Variants in NALF2 observed in about 807,000 individuals in gnomAD.
The protein encoded by NALF2 is bB57D9.1 (TED protein).
A neutral mutation model predicts 24.8 loss-of-function variants in NALF2; 1 was observed. The ratio of observed to expected loss-of-function variants is 0.04; its 90% confidence interval spans 0.01 to 0.19. NALF2 has a LOEUF of 0.19. Ranked by LOEUF, NALF2 falls within the 10% of genes least tolerant of loss-of-function variation. NALF2 has a pLI of 1.00. For missense variants in NALF2, 458 were observed against 409.6 expected (o/e 1.12, Z -1.02); for synonymous variants, 254 against 189.8 (o/e 1.34, Z -2.78).
Position 69,529,743 on chromosome X carries a change from C to G in NALF2, c.1206C>G (p.His402Gln), listed in dbSNP as rs200147081. 8.3e-7 allele frequency: 1 copy of G among 1,208,928 alleles called. No homozygotes were observed. The highest frequency in any genetic ancestry group is 1.8e-5 in the African/African-American group (1 of 57,089). ...ACCACCAACAGTACCATCACTACCA[C>G]CCCCATCATGATCCCCCAGGCCGTG... is the stretch of plus-strand genomic sequence containing the variant. ...HHYHQQYHHY[H>Q]PHHDPPGRVS... The change falls in exon 3 of 3, where the codon CAC (histidine) becomes CAG (glutamine). Residue 402 changes from histidine (H) to glutamine (Q), a missense_variant. By Grantham distance (24) the His-to-Gln change is conservative. Transcript: ENST00000252338.
rs1260860340 is a variant in NALF2, at chrX:69,505,196, G to A, written c.-87G>A. ...GGTAGAGCCTGGACGGCGCCGAGGA[G>A]CGCAGAGCGGCGCGCAGCCCGCCCG... On this transcript the variant is annotated 5_prime_UTR_variant, in exon 1 of 3. Coordinates refer to ENST00000252338, the MANE Select transcript of NALF2 (RefSeq NM_015686.3). 1 of 957,025 alleles carries A rather than the reference G, an allele frequency of 1.0e-6. No homozygotes were observed. Among genetic ancestry groups the A allele is most frequent in the African/African-American group, 2.1e-5 (1 of 47,284 alleles). The allele number at this position is 957,025 out of a possible 1,213,427, so 78.9% of individuals were successfully genotyped here.
At chrX:69,513,085 C>T (rs1268826869) in intron 1 of NALF2, among the ~76,000 whole-genome samples, 4 of 111,639 alleles carry the variant, frequency 3.6e-5, no homozygotes, top group East Asian at 5.6e-4. Context: ...GACCTGGGCT[C>T]CTCTCGCCTG....
Position 69,506,084 on chromosome X carries a change from C to T in NALF2, c.802C>T (p.Leu268=). 8.3e-7 allele frequency: 1 copy of T among 1,209,641 alleles called. No homozygotes were observed. Among genetic ancestry groups the T allele is most frequent in the Admixed American group, 2.2e-5 (1 of 45,935 alleles). The stretch of plus-strand genomic sequence containing the variant: ...AAAATATGACGAGTTCGACCTCGTG[C>T]TGCATAAATACTTACAGGCGGAAGA... ...QEKYDEFDLV[L]HKYLQAEEYS... is the part of the protein sequence containing the mutation. The change falls in exon 1 of 3, where the codon CTG becomes TTG. Residue 268 remains leucine, a synonymous_variant. Coordinates refer to ENST00000252338, the MANE Select transcript of NALF2 (RefSeq NM_015686.3).
intron 1 of NALF2, among the ~76,000 whole-genome samples, chrX:69,507,910 G>C (rs753078311): frequency 9.0e-6 from 1 of 111,188 alleles, no homozygotes; most frequent in South Asian, 3.9e-4. Context: ...GGTTTTCTCC[G>C]TGTTGTAGTT....
At chrX:69,512,137 GATCTGGACAA>G (rs1404856745) in intron 1 of NALF2, among the ~76,000 whole-genome samples, 1 of 111,667 alleles carries the variant, frequency 9.0e-6, no homozygotes, top group Non-Finnish European at 1.9e-5. Context: ...TGCTTCTGGG[GATCTGGACAA>G]ATCTGGACCC....
chrX:69,529,089 C>T lies in NALF2; in HGVS notation c.958C>T (p.Gln320Ter). ...CTGCAAGCAATACTGCCTGGAGGTG[C>T]AGACCCGGTGCCCCTTTATACTCCC... Reference protein sequence around the residue: ...VPCKQYCLEVQTRCPFILPDN... With the variant: ...VPCKQYCLEV The change falls in exon 2 of 3, where the codon CAG becomes TAG. Residue 320 changes from glutamine (Q) to a stop codon, truncating the protein, a stop_gained. Coordinates refer to ENST00000252338, the MANE Select transcript of NALF2 (RefSeq NM_015686.3). LOFTEE classifies it high-confidence loss of function. 8.3e-7 allele frequency: 1 copy of T among 1,210,921 alleles called. No individual in the cohort carries two copies. Among genetic ancestry groups the T allele is most frequent in the South Asian group, 1.8e-5 (1 of 56,693 alleles).
chrX:69,529,194 G>A, intron 2 of NALF2, 30 bp downstream of exon 2: 1 of 1,185,377 alleles, frequency 8.4e-7, no homozygotes, highest in African/African-American at 1.7e-5. Flanking sequence ...GAAGAGGGAG[G>A]AGGCCGGGGG....
At chrX:69,508,775 C>T (rs1312863835) in intron 1 of NALF2, among the ~76,000 whole-genome samples, 2 of 112,355 alleles carry the variant, frequency 1.8e-5, no homozygotes, top group Non-Finnish European at 3.8e-5. Flanking sequence ...CCAAGCCCTC[C>T]TGTCTGGTCC....
rs193022739 is a variant in NALF2 at position 69,528,503 on chromosome X, A to G, written c.862-490A>G. ...TCATATATGCCATATTATTTCATCC[A>G]TACAACACCCTAATGAGGTAAAGCA... On this transcript the variant is annotated intron_variant, in intron 1 of 2. Transcript: ENST00000252338. Among the ~76,000 whole-genome samples the G allele has an allele frequency of 9.8e-5, 11 of 112,328 alleles. No individual in the cohort carries two copies. In the East Asian group the frequency reaches 3.1e-3, roughly 31 times the overall value.
Position 69,530,010 on chromosome X carries a change from C to CCA in NALF2, c.*54_*55insCA. ...ACACTGACATCAGCTCCAGCTCCCCCAGGTTGGGGGGGAGGGGGCTCCTCC... is the reference window on the plus strand; with the variant it reads ...ACACTGACATCAGCTCCAGCTCCCCCCAAGGTTGGGGGGGAGGGGGCTCCTCC... On this transcript the variant is annotated 3_prime_UTR_variant, in exon 3 of 3. Coordinates refer to ENST00000252338, the MANE Select transcript of NALF2 (RefSeq NM_015686.3). 1.0e-6 allele frequency: 1 copy of CCA among 995,675 alleles called. No individual in the cohort carries two copies. The highest frequency in any genetic ancestry group is 1.4e-6 in the Non-Finnish European group (1 of 740,534). The allele number at this position is 995,675 out of a possible 1,213,427, so 82.1% of individuals were successfully genotyped here. A position where few individuals can be genotyped will look rare whatever the true frequency, so the allele number is the denominator to read the frequency against.
Position 69,505,486 on chromosome X carries a change from G to A in NALF2, c.204G>A (p.Arg68=), listed in dbSNP as rs1309648615. 1 of 1,091,930 alleles carries A rather than the reference G, an allele frequency of 9.2e-7. No individual in the cohort carries two copies. Among genetic ancestry groups the A allele is most frequent in the African/African-American group, 1.9e-5 (1 of 51,809 alleles). The allele number at this position is 1,091,930 out of a possible 1,213,427, so 90.0% of individuals were successfully genotyped here. Residue 68 remains arginine (R), a synonymous_variant, in exon 1 of 3, where the codon CGG becomes CGA. Coordinates refer to ENST00000252338, the MANE Select transcript of NALF2 (RefSeq NM_015686.3). ...ADHLWLCAGA[R]PRARELSSAM... is the part of the protein sequence containing the mutation. ...ATCTGTGGCTGTGCGCGGGGGCCCG[G>A]CCCCGGGCCAGGGAGCTGAGCAGCG...
chrX:69,505,945 G>C lies in NALF2; in HGVS notation c.663G>C (p.Leu221=). The C allele has an allele frequency of 5.0e-6, 6 of 1,211,964 alleles. No individual in the cohort carries two copies. Among genetic ancestry groups the C allele is most frequent in the Non-Finnish European group, 6.7e-6 (6 of 895,504 alleles). Residue 221 remains leucine, a synonymous_variant, in exon 1 of 3, where the codon CTG becomes CTC. Coordinates refer to ENST00000252338, the MANE Select transcript of NALF2 (RefSeq NM_015686.3). ...GCCCCGACAGCCTGGACTGTAGCCT[G>C]GACACCCTGATGGGGGACCTGCTGG... The part of the protein sequence containing the change: ...MDRPDSLDCS[L]DTLMGDLLAV...
At chrX:69,512,316 G>A (rs1165047056) in intron 1 of NALF2, among the ~76,000 whole-genome samples, 2 of 112,111 alleles carry the variant, frequency 1.8e-5, no homozygotes, top group East Asian at 2.8e-4. Flanking sequence ...GCTCAGTAAC[G>A]CCTGAATTTT....
rs200188403 is a variant in NALF2 at position 69,529,900 on chromosome X, G to A, written c.1363G>A (p.Gly455Arg). The change falls in exon 3 of 3, where the codon GGA (glycine) becomes AGA (arginine). Residue 455 changes from glycine (G) to arginine (R), a missense_variant. Gly to Arg is a moderately radical substitution (Grantham distance 125). Transcript: ENST00000252338. The stretch of plus-strand genomic sequence containing the variant: ...CTTCTCCAGCAACCAGGGTGGTGGG[G>A]GATTGGGGCTGGAGACACTGCCTGC... Reference protein sequence around the residue: ...VSFSSNQGGGGLGLETLPALE... With the variant: ...VSFSSNQGGGRLGLETLPALE... The A allele has an allele frequency of 9.9e-6, 12 of 1,211,161 alleles. No homozygotes were observed. In the East Asian group the frequency reaches 3.5e-4, roughly 36 times the overall value.
At chrX:69,506,344 C>T (rs1277964541) in intron 1 of NALF2, among the ~76,000 whole-genome samples, 1 of 112,859 alleles carries the variant, frequency 8.9e-6, no homozygotes, top group African/African-American at 3.2e-5. Context: ...ACCTGGCTAA[C>T]TTCTATTAAT....
At chrX:69,509,663 A>G (rs501342) in intron 1 of NALF2, among the ~76,000 whole-genome samples, 40,809 of 110,207 alleles carry the variant, frequency 0.37, 5,859 homozygotes, top group Admixed American at 0.54. Context: ...TGGGCTGAGA[A>G]GGAGGCAGGA....
At chrX:69,513,185 A>C (rs1022291037) in intron 1 of NALF2, among the ~76,000 whole-genome samples, 1 of 111,948 alleles carries the variant, frequency 8.9e-6, no homozygotes, top group Non-Finnish European at 1.9e-5. Context: ...ACATTAACCT[A>C]AGTTAGTCCC....
At chrX:69,527,807 G>A (rs1402967760) in intron 1 of NALF2, among the ~76,000 whole-genome samples, 1 of 111,093 alleles carries the variant, frequency 9.0e-6, no homozygotes, top group African/African-American at 3.3e-5. Flanking sequence ...GGCAGGTCGG[G>A]GGTGGAGCCT....
In NALF2 at chrX:69,506,874, G is replaced by T. The variant is rs1439792221; in HGVS notation, c.861+731G>T. 2.7e-5 allele frequency among the ~76,000 whole-genome samples: 3 copies of T among 112,828 alleles called. No individual in the cohort carries two copies. The Admixed American group carries it at 2.8e-4, about 10-fold the overall frequency. The stretch of plus-strand genomic sequence containing the variant: ...CTTCCCAGCACCCCATGGTGACAGT[G>T]GGGGGAACACTGGCTTTCTAGCTGC... On this transcript the variant is annotated intron_variant, in intron 1 of 2. Transcript: ENST00000252338.
Sources: gnomAD v4.1 joint callset for allele counts (sites outside exome capture counted in the v4.1 genomes callset) on GRCh38, gnomAD v4.1.1 for gene constraint, MANE v1.5 for transcripts, NCBI Gene and HGNC (gene_info 2026-07-23, HGNC 2026-07-21) for gene names.